Variants in NXN observed in about 807,000 individuals in gnomAD.
The protein encoded by NXN is nucleoredoxin 1.
Under a neutral mutation model 48.6 loss-of-function variants are expected in NXN, and 16 were observed. That is an observed-to-expected ratio of 0.33 (90% CI 0.22 to 0.50). The LOEUF (loss-of-function observed/expected upper bound fraction) is 0.50. NXN is among the 20% of genes least tolerant of loss of function. NXN has a pLI of 0.98. For missense variants in NXN, 492 were observed against 605.5 expected (o/e 0.81, Z 1.97); for synonymous variants, 281 against 269.6 (o/e 1.04, Z -0.41).
intron 1 of NXN, among the ~76,000 whole-genome samples, chr17:851,246 C>A (rs62068395): frequency 6.6e-6 from 1 of 152,248 alleles, no homozygotes; most frequent in Non-Finnish European, 1.5e-5. Flanking sequence ...GCCTGAGCTC[C>A]GCTTGCCACT....
intron 1 of NXN, among the ~76,000 whole-genome samples, chr17:977,350 TGA>T (rs1306443714): frequency 2.0e-5 from 3 of 152,244 alleles, no homozygotes; most frequent in Non-Finnish European, 2.9e-5. Context: ...TATTTTCAAA[TGA>T]GAGTCTGCCC....
At chr17:952,128 G>A (rs1188546811) in intron 1 of NXN, among the ~76,000 whole-genome samples, 1 of 151,472 alleles carries the variant, frequency 6.6e-6, no homozygotes. Flanking sequence ...CCCACCTCCT[G>A]CCAGGACAAG....
chr17:941,585 A>C (rs1275646126), intron 1 of NXN, among the ~76,000 whole-genome samples: 5 of 43,346 alleles, frequency 1.2e-4, no homozygotes, highest in Admixed American at 2.3e-4. Flanking sequence ...TCCTGGATTT[A>C]CAGCGAACAA....
At chr17:962,696 C>G (rs1405527753) in intron 1 of NXN, among the ~76,000 whole-genome samples, 2 of 152,178 alleles carry the variant, frequency 1.3e-5, no homozygotes, top group Admixed American at 6.5e-5. Context: ...TTGCCTAATA[C>G]TAGTCCCCCA....
chr17:957,142 C>CG (rs34668217), intron 1 of NXN, among the ~76,000 whole-genome samples: 64,017 of 151,776 alleles, frequency 0.42, 14,045 homozygotes, highest in Middle Eastern at 0.57. Flanking sequence ...GACAAGGCAA[C>CG]AACGTGCAAA....
intron 1 of NXN, among the ~76,000 whole-genome samples, chr17:963,969 T>C (rs2069271102): frequency 6.6e-6 from 1 of 152,058 alleles, no homozygotes; most frequent in African/African-American, 2.4e-5. Context: ...CCCAGCACTT[T>C]GGGAGGCTGA....
At chr17:970,945 CTT>C (rs398058506) in intron 1 of NXN, among the ~76,000 whole-genome samples, 32 of 133,938 alleles carry the variant, frequency 2.4e-4, no homozygotes, top group East Asian at 4.4e-4. Flanking sequence ...ATATGAGACT[CTT>C]TTTTTTTTTT....
chr17:841,909 G>A (rs1914347031), intron 1 of NXN, among the ~76,000 whole-genome samples: 1 of 152,178 alleles, frequency 6.6e-6, no homozygotes, highest in Non-Finnish European at 1.5e-5. Flanking sequence ...GGCCGAGGTG[G>A]GCGGATCACC....
chr17:888,379 T>C (rs2068371983), intron 1 of NXN, among the ~76,000 whole-genome samples: 1 of 152,024 alleles, frequency 6.6e-6, no homozygotes, highest in Non-Finnish European at 1.5e-5. Context: ...TCACCACTCC[T>C]GGCTAATTTT....
intron 1 of NXN, among the ~76,000 whole-genome samples, chr17:914,130 C>A (rs1405631030): frequency 6.6e-6 from 1 of 151,854 alleles, no homozygotes; most frequent in Admixed American, 6.6e-5. Flanking sequence ...GAACTCCCAA[C>A]CTCAAGTGAC....
intron 1 of NXN, among the ~76,000 whole-genome samples, chr17:827,483 C>T (rs571503631): frequency 9.3e-4 from 142 of 152,182 alleles, no homozygotes; most frequent in African/African-American, 2.7e-3. Flanking sequence ...ATTAGCCGGG[C>T]GTGGTGGCGG....
intron 1 of NXN, among the ~76,000 whole-genome samples, chr17:865,685 T>C (rs994148252): frequency 2.4e-4 from 36 of 152,000 alleles, no homozygotes; most frequent in African/African-American, 8.7e-4. Context: ...TGTGCAGAGA[T>C]AGATGTGCAA....
At chr17:895,222 G>T (rs995136252) in intron 1 of NXN, among the ~76,000 whole-genome samples, 4 of 150,502 alleles carry the variant, frequency 2.7e-5, no homozygotes, top group African/African-American at 9.8e-5. Context: ...TCACCATGTT[G>T]GCCAGGCTAG....
Position 917,449 on chromosome 17 carries a change from T to C in NXN, c.360+61870A>G, listed in dbSNP as rs1385007622. 6.6e-6 allele frequency among the ~76,000 whole-genome samples: 1 copy of C among 152,208 alleles called. No individual in the cohort carries two copies. Among genetic ancestry groups the C allele is most frequent in the Admixed American group, 6.5e-5 (1 of 15,276 alleles). On this transcript the variant is annotated intron_variant, in intron 1 of 7. Transcript: ENST00000336868. This position sits in a 1 kb window ranked among gnomAD's most constrained non-coding sequence, Gnocchi z 4.5. Reference sequence around the variant, plus strand: ...CAGGCGGGAGCCGCCGCTCACATCTTTACTCATGAACCTAAACTCACAGAG... The same window carrying C: ...CAGGCGGGAGCCGCCGCTCACATCTCTACTCATGAACCTAAACTCACAGAG...
intron 1 of NXN, among the ~76,000 whole-genome samples, chr17:874,692 T>C (rs959945402): frequency 4.0e-5 from 6 of 148,382 alleles, no homozygotes; most frequent in Admixed American, 2.0e-4. Flanking sequence ...GCCACTGCAC[T>C]GTAGCCTGGG....
At chr17:907,051 C>T (rs1218465862) in intron 1 of NXN, among the ~76,000 whole-genome samples, 2 of 150,476 alleles carry the variant, frequency 1.3e-5, no homozygotes, top group Admixed American at 6.7e-5. Flanking sequence ...CAACAGTCCC[C>T]TAGTACAGTT....
chr17:826,173 G>A, intron 1 of NXN, 95 bp from the exon 2 acceptor site: 2 of 834,920 alleles, frequency 2.4e-6, no homozygotes, highest in Non-Finnish European at 4.2e-6. Flanking sequence ...TGGATGAACA[G>A]GCAAGCATTC....
chr17:809,542 G>C (rs62069998), intron 5 of NXN, among the ~76,000 whole-genome samples: 2,393 of 152,278 alleles, frequency 0.016, 53 homozygotes, highest in Non-Finnish European at 0.018. Flanking sequence ...GGAGCGGGCA[G>C]GGCTGTGACC....
At chr17:966,222 G>A (rs1183933180) in intron 1 of NXN, among the ~76,000 whole-genome samples, 1 of 152,126 alleles carries the variant, frequency 6.6e-6, no homozygotes, top group African/African-American at 2.4e-5. Context: ...ACAGCACGCG[G>A]ACACATGTGG....
Sources: allele counts gnomAD v4.1 joint callset (sites outside exome capture counted in the v4.1 genomes callset), GRCh38; gene constraint gnomAD v4.1.1; non-coding constraint Gnocchi (gnomAD v3.1); transcripts MANE v1.5; gene names NCBI Gene and HGNC (gene_info 2026-07-23, HGNC 2026-07-21).